Variants in SETDB1 observed in about 807,000 individuals in gnomAD.
SETDB1 encodes the protein histone-lysine N-methyltransferase SETDB1.
In SETDB1, 31 loss-of-function variants were observed where a neutral mutation model predicts 137.4. That is an observed-to-expected ratio of 0.23 (90% CI 0.17 to 0.30). The LOEUF is 0.30. Ranked by LOEUF, SETDB1 falls within the 10% of genes least tolerant of loss-of-function variation. The pLI is 1.00. For missense variants in SETDB1, 1,113 were observed against 1,631.5 expected, an observed-to-expected ratio of 0.68 and a Z score of 5.47; for synonymous variants, 548 against 579.9, an observed-to-expected ratio of 0.95 and a Z score of 0.79.
rs1387994665 is a variant in SETDB1 at position 150,933,686 on chromosome 1, C to T, written c.412+3568C>T. Among the ~76,000 whole-genome samples the T allele has an allele frequency of 2.0e-5, 3 of 151,284 alleles. No homozygotes were observed. In the East Asian group the frequency reaches 5.8e-4, roughly 29 times the overall value. On this transcript the variant is annotated intron_variant, in intron 3 of 21. Transcript: ENST00000692827. ...GCCACTGTGCCTAGCCCTATTTCTT[C>T]TTTGTTGCCTTCTTAAAGTCAAACA...
In SETDB1 at chr1:150,963,566, G is replaced by A. The variant is rs373907289; in HGVS notation, c.3497G>A (p.Arg1166Gln). The change falls in exon 20 of 22, where the codon CGA becomes CAA. Residue 1166 changes from arginine to glutamine, a missense_variant. By Grantham distance (43) the Arg-to-Gln change is conservative. Transcript: ENST00000692827. ...CGTCAAGTGGCAGTAAAATCAACCC[G>A]AGGCTTTGCTCTTAAATCAACCCAT... ...MKRQVAVKST[R>Q]GFALKSTHGI... is the part of the protein sequence containing the mutation. The A allele has an allele frequency of 1.5e-5, 24 of 1,613,898 alleles. No homozygotes were observed. Among genetic ancestry groups the A allele is most frequent in the Non-Finnish European group, 2.0e-5 (24 of 1,179,944 alleles).
At position 150,961,145 on chromosome 1, in the gene SETDB1, G is replaced by A; in HGVS notation, c.3086G>A (p.Gly1029Glu). Reference sequence around the variant, plus strand: ...GAGGCTGAGAAGGCCTCCACCTCAGGACTAGGCATCAAGGATGAGGGAGAC... The same window carrying A: ...GAGGCTGAGAAGGCCTCCACCTCAGAACTAGGCATCAAGGATGAGGGAGAC... ...RMEAEKASTS[G>E]LGIKDEGDIK... Residue 1029 changes from glycine (G) to glutamate (E), a missense_variant, in exon 16 of 22, where the codon GGA becomes GAA. This residue lies in a region of SETDB1 where 373 missense variants were observed against 412.7 expected (regional missense o/e 0.90). Transcript: ENST00000692827. 6.2e-7 allele frequency: 1 copy of A among 1,614,028 alleles called. No individual in the cohort carries two copies. Among genetic ancestry groups the A allele is most frequent in the Non-Finnish European group, 8.5e-7 (1 of 1,180,032 alleles).
chr1:150,945,884 G>A (rs1670307590), intron 9 of SETDB1, among the ~76,000 whole-genome samples: 1 of 152,092 alleles, frequency 6.6e-6, no homozygotes, highest in Non-Finnish European at 1.5e-5. Context: ...TGTATTTTTA[G>A]TAGAGACGGG....
chr1:150,964,155 T>G (rs1265189211), intron 21 of SETDB1, 72 bp downstream of exon 21: 53 of 1,531,678 alleles, frequency 3.5e-5, no homozygotes, highest in Admixed American at 5.0e-5. Context: ...CCTCCTCCAT[T>G]CATGATCCAA....
chr1:150,942,188 C>G (rs1366884861), intron 5 of SETDB1, among the ~76,000 whole-genome samples: 1 of 150,994 alleles, frequency 6.6e-6, no homozygotes, highest in Non-Finnish European at 1.5e-5. Flanking sequence ...TGCCTATAAT[C>G]CCAGCACTTT....
At chr1:150,926,971 C>G (rs1158224757) in intron 1 of SETDB1, among the ~76,000 whole-genome samples, 1 of 152,198 alleles carries the variant, frequency 6.6e-6, no homozygotes, top group East Asian at 1.9e-4. Flanking sequence ...AGAGAAAACA[C>G]TGAGTTAGTG....
intron 12 of SETDB1, 90 bp from the exon 13 acceptor site, chr1:150,950,361 TTGAAAGA>T (rs1670461796): frequency 9.3e-7 from 1 of 1,077,678 alleles, no homozygotes; most frequent in African/African-American, 1.6e-5. Context: ...GCACAGCTGT[TTGAAAGA>T]TGAGAGAAAT....
At position 150,954,812 on chromosome 1, in the gene SETDB1, G is replaced by A. The variant is rs587740567; in HGVS notation, c.2333+3331G>A. Among the ~76,000 whole-genome samples, 8 of 152,200 alleles carry A rather than the reference G, an allele frequency of 5.3e-5. No homozygotes were observed. In the South Asian group the frequency reaches 1.4e-3, roughly 28 times the overall value. ...CTAAATACATTTTTTTAGACATGCA[G>A]TACCTCAGAGTTTTTCATCATTCCC... On this transcript the variant is annotated intron_variant, in intron 14 of 21. Coordinates refer to ENST00000692827, the MANE Select transcript of SETDB1 (RefSeq NM_001366418.1).
rs776053224 is a variant in SETDB1, at chr1:150,950,605, T to C, written c.1731T>C (p.His577=). Residue 577 remains histidine, a synonymous_variant, in exon 13 of 22, where the codon CAT becomes CAC. Coordinates refer to ENST00000692827, the MANE Select transcript of SETDB1 (RefSeq NM_001366418.1). The part of the protein sequence containing the change: ...APMEKLFYLP[H]VCSYTCLSRV... Reference sequence around the variant, plus strand: ...TGGAGAAGCTTTTCTACTTACCTCATGTCTGCAGCTATACCTGTCTGTCTC... The same window carrying C: ...TGGAGAAGCTTTTCTACTTACCTCACGTCTGCAGCTATACCTGTCTGTCTC... The C allele has an allele frequency of 3.5e-5, 57 of 1,614,042 alleles. No homozygotes were observed. In the Admixed American group the frequency reaches 9.0e-4, roughly 25 times the overall value.
At chr1:150,947,276 C>T (rs1670358657) in intron 10 of SETDB1, among the ~76,000 whole-genome samples, 1 of 152,046 alleles carries the variant, frequency 6.6e-6, no homozygotes, top group Non-Finnish European at 1.5e-5. Context: ...CTCTGTTATC[C>T]ACATGAGAAT....
chr1:150,960,432 G>A lies in SETDB1; in HGVS notation c.2504-131G>A, dbSNP rs193135511. The A allele has an allele frequency of 3.0e-3, 2,175 of 717,582 alleles. 4 individuals carry two copies. The highest frequency in any genetic ancestry group is 4.5e-3 in the Middle Eastern group (11 of 2,456). The allele number at this position is 717,582 out of a possible 1,614,324, so 44.5% of individuals were successfully genotyped here. A position where few individuals can be genotyped will look rare whatever the true frequency, so the allele number is the denominator to read the frequency against. ...GCAGAGGTTGCAGTGAGCCGAGATCGCGCCACTGCACTCCAGCCTGGGTGA... is the reference window on the plus strand; with the variant it reads ...GCAGAGGTTGCAGTGAGCCGAGATCACGCCACTGCACTCCAGCCTGGGTGA... On this transcript the variant is annotated intron_variant, in intron 15 of 21. Transcript: ENST00000692827.
intron 9 of SETDB1, 111 bp from the exon 10 acceptor site, chr1:150,946,775 T>C (rs896605680): frequency 2.8e-5 from 36 of 1,270,900 alleles, no homozygotes; most frequent in Non-Finnish European, 4.0e-5. Context: ...AATTTAAGGC[T>C]CATCAGGGAG....
intron 4 of SETDB1, among the ~76,000 whole-genome samples, chr1:150,940,997 CAA>C (rs765844613): frequency 1.2e-4 from 14 of 118,996 alleles, no homozygotes; most frequent in Non-Finnish European, 8.8e-5. Flanking sequence ...GACTCCATCT[CAA>C]AAAAAAAAAA....
At position 150,943,071 on chromosome 1, in the gene SETDB1, T is replaced by C. The variant is rs1670211810; in HGVS notation, c.875+18T>C. On this transcript the variant is annotated intron_variant, in intron 7 of 21. Transcript: ENST00000692827. ...AAGCTCAGGTACCTGGACAGAGGAC[T>C]GTAAAGGGGTAGAGGCTGGGAGCAC... The C allele has an allele frequency of 1.9e-6, 3 of 1,590,816 alleles. No homozygotes were observed. Among genetic ancestry groups the C allele is most frequent in the East Asian group, 4.5e-5 (2 of 44,736 alleles).
chr1:150,958,178 T>G (rs1670706112), intron 14 of SETDB1, among the ~76,000 whole-genome samples: 1 of 146,760 alleles, frequency 6.8e-6, no homozygotes, highest in South Asian at 2.2e-4. Context: ...AGCGAAACTC[T>G]GTCTCCAAAA....
intron 9 of SETDB1, 122 bp downstream of exon 9, chr1:150,945,230 C>A: frequency 6.7e-7 from 1 of 1,499,230 alleles, no homozygotes. Context: ...CGTATGTGTT[C>A]TCACTGTTTT....
chr1:150,942,761 C>T, intron 6 of SETDB1, 73 bp downstream of exon 6: 1 of 1,596,634 alleles, frequency 6.3e-7, no homozygotes. Flanking sequence ...TTCTTTTCCC[C>T]ATAACCTTCC....
intron 3 of SETDB1, among the ~76,000 whole-genome samples, chr1:150,938,373 G>C (rs1162333522): frequency 6.6e-6 from 1 of 152,098 alleles, no homozygotes; most frequent in Non-Finnish European, 1.5e-5. Flanking sequence ...CCAGAGTTTG[G>C]GGGAGGGAGG....
intron 14 of SETDB1, among the ~76,000 whole-genome samples, chr1:150,958,049 G>A (rs754851591): frequency 1.4e-4 from 22 of 151,808 alleles, no homozygotes; most frequent in Non-Finnish European, 1.5e-4. Flanking sequence ...AGCAAGGCAC[G>A]GTGGCGCGTG....
Sources: gnomAD v4.1 joint callset for allele counts (sites outside exome capture counted in the v4.1 genomes callset) on GRCh38, gnomAD v4.1.1 for gene constraint, gnomAD v4.1.1 regional missense constraint, MANE v1.5 for transcripts, NCBI Gene and HGNC (gene_info 2026-07-23, HGNC 2026-07-21) for gene names.